The following FHL5 variants were observed in gnomAD, a reference collection of about 807,000 sequenced individuals.
FHL5 encodes four and a half LIM domains protein 5.
Under a neutral mutation model 32.0 loss-of-function variants are expected in FHL5, and 33 were observed. The ratio of observed to expected loss-of-function variants is 1.03; its 90% CI spans 0.78 to 1.38. FHL5 has a LOEUF of 1.38. FHL5 is among the 40% of genes most tolerant of loss of function. The probability of loss-of-function intolerance (pLI) is 0.00; values close to 1 mark genes in which losing one functional copy is unlikely to be tolerated. For synonymous variants in FHL5, 114 were observed against 113.6 expected, an observed-to-expected ratio of 1.00 and a Z score of -0.02; for missense variants, 336 against 343.9, an observed-to-expected ratio of 0.98 and a Z score of 0.18.
At chr6:96,566,416 A>G (rs1454701376) in intron 1 of FHL5, among the ~76,000 whole-genome samples, 1 of 151,908 alleles carries the variant, frequency 6.6e-6, no homozygotes. Flanking sequence ...AAACTTAGGT[A>G]ATTTCATATC....
chr6:96,593,714 G>A (rs1000705306), intron 1 of FHL5, among the ~76,000 whole-genome samples: 8 of 151,908 alleles, frequency 5.3e-5, no homozygotes, highest in Non-Finnish European at 8.8e-5. Context: ...TTATCTTTTT[G>A]GATGTACATA....
At chr6:96,572,386 G>T (rs1582457588) in intron 1 of FHL5, among the ~76,000 whole-genome samples, 1 of 152,178 alleles carries the variant, frequency 6.6e-6, no homozygotes, top group Admixed American at 6.5e-5. Flanking sequence ...GCAGGGGCAG[G>T]GGGAGGAGTT....
chr6:96,572,723 G>A (rs1245882833), intron 1 of FHL5, among the ~76,000 whole-genome samples: 1 of 152,212 alleles, frequency 6.6e-6, no homozygotes, highest in Non-Finnish European at 1.5e-5. Context: ...GAGAACACCA[G>A]TGGGAAGGTC....
intron 1 of FHL5, among the ~76,000 whole-genome samples, chr6:96,599,258 C>T (rs2983901): frequency 0.01 from 1,443 of 140,184 alleles, 27 homozygotes; most frequent in African/African-American, 0.037. Flanking sequence ...TGCAATGGTG[C>T]GATCTAGGCT....
At chr6:96,571,591 G>A (rs1770479851) in intron 1 of FHL5, among the ~76,000 whole-genome samples, 1 of 152,140 alleles carries the variant, frequency 6.6e-6, no homozygotes, top group African/African-American at 2.4e-5. Context: ...AGGGTTGGAT[G>A]TAGGTTACCC....
chr6:96,573,269 A>G (rs1040854417), intron 1 of FHL5, among the ~76,000 whole-genome samples: 1 of 152,196 alleles, frequency 6.6e-6, no homozygotes, highest in Admixed American at 6.5e-5. Context: ...ACTGTCTATC[A>G]TCAATTTTGA....
At chr6:96,569,345 G>A (rs992307650) in intron 1 of FHL5, among the ~76,000 whole-genome samples, 1 of 151,914 alleles carries the variant, frequency 6.6e-6, no homozygotes, top group African/African-American at 2.4e-5. Context: ...TTGTTTTGTG[G>A]TCTAACGTGG....
intron 1 of FHL5, among the ~76,000 whole-genome samples, chr6:96,579,722 A>T (rs965690306): frequency 1.3e-5 from 2 of 152,154 alleles, no homozygotes; most frequent in African/African-American, 4.8e-5. Flanking sequence ...GGTAGTTAAG[A>T]ATTGGGAGGT....
intron 1 of FHL5, among the ~76,000 whole-genome samples, chr6:96,575,406 G>A (rs1282313882): frequency 1.3e-5 from 2 of 152,164 alleles, no homozygotes; most frequent in East Asian, 3.9e-4. Flanking sequence ...AACAAAACGT[G>A]CATGAGAGAC....
intron 1 of FHL5, 147 bp downstream of exon 1, chr6:96,563,502 G>C (rs937205966): frequency 6.6e-6 from 1 of 151,904 alleles, no homozygotes; most frequent in Admixed American, 6.6e-5. Context: ...TATGCCTTTT[G>C]AAGTTTCTTA....
At chr6:96,588,196 G>C (rs1376881803) in intron 1 of FHL5, among the ~76,000 whole-genome samples, 1 of 152,140 alleles carries the variant, frequency 6.6e-6, no homozygotes, top group Non-Finnish European at 1.5e-5. Context: ...CAACACGTAA[G>C]AGTTCCTGTT....
intron 1 of FHL5, among the ~76,000 whole-genome samples, chr6:96,565,477 C>T (rs1015268758): frequency 6.6e-6 from 1 of 152,210 alleles, no homozygotes; most frequent in South Asian, 2.1e-4. Context: ...TTTGTCTTCT[C>T]AAATTCTTCG....
At chr6:96,602,176 T>G (rs2127971600) in intron 1 of FHL5, among the ~76,000 whole-genome samples, 1 of 152,276 alleles carries the variant, frequency 6.6e-6, no homozygotes, top group Non-Finnish European at 1.5e-5. Context: ...AGTTCAAATG[T>G]AGTCAGTACA....
chr6:96,585,770 C>T (rs576037805), intron 1 of FHL5, among the ~76,000 whole-genome samples: 2 of 152,198 alleles, frequency 1.3e-5, no homozygotes, highest in African/African-American at 4.8e-5. Flanking sequence ...AACACATGAA[C>T]AGAGAGTCAT....
chr6:96,584,435 ATGTG>A lies in FHL5; in HGVS notation c.-12-19145_-12-19142del, dbSNP rs141920939. 1.7e-3 allele frequency among the ~76,000 whole-genome samples: 247 copies of A among 146,878 alleles called. 1 individual carries two copies. The highest frequency in any genetic ancestry group is 0.011 in the South Asian group (52 of 4,596). On this transcript the variant is annotated intron_variant, in intron 1 of 5. Coordinates refer to ENST00000450218, the MANE Select transcript of FHL5 (RefSeq NM_001322466.2). ...GAAGTGGCTGAAGCACAGGTGGGAT[ATGTG>A]TGTGTGTGTGTGTGTGTGTGTTTGT...
chr6:96,575,185 C>G (rs548791496), intron 1 of FHL5, among the ~76,000 whole-genome samples: 50 of 152,250 alleles, frequency 3.3e-4, no homozygotes, highest in African/African-American at 1.2e-3. Context: ...TCATTCCTCT[C>G]CTCTCCCCGT....
chr6:96,573,990 G>C (rs1320995753), intron 1 of FHL5, among the ~76,000 whole-genome samples: 4 of 151,182 alleles, frequency 2.6e-5, no homozygotes, highest in Non-Finnish European at 5.9e-5. Context: ...CTTCAATTAA[G>C]AGCCTTAACA....
chr6:96,570,642 T>A (rs1770456794), intron 1 of FHL5, among the ~76,000 whole-genome samples: 1 of 152,200 alleles, frequency 6.6e-6, no homozygotes, highest in Admixed American at 6.5e-5. Context: ...GTTTGTTTAA[T>A]GTTTTCCAAT....
At chr6:96,575,882 C>G (rs1486210949) in intron 1 of FHL5, among the ~76,000 whole-genome samples, 1 of 152,140 alleles carries the variant, frequency 6.6e-6, no homozygotes, top group Non-Finnish European at 1.5e-5. Flanking sequence ...AAAAAGAAAA[C>G]AGTGGGCCAA....
Sources: allele counts gnomAD v4.1 joint callset (sites outside exome capture counted in the v4.1 genomes callset), GRCh38; gene constraint gnomAD v4.1.1; transcripts MANE v1.5; gene names NCBI Gene and HGNC (gene_info 2026-07-23, HGNC 2026-07-21).